The following CFAP54 variants were observed in gnomAD, a reference collection of about 807,000 sequenced individuals.
The protein encoded by CFAP54 is cilia- and flagella-associated protein 54.
In CFAP54, 290 loss-of-function variants were observed where a neutral mutation model predicts 370.4. That is an observed-to-expected ratio of 0.78 (90% CI 0.71 to 0.86). The LOEUF is 0.86. Among genes scored for constraint, CFAP54 ranks in the 40% least tolerant of loss-of-function variants. The pLI, the probability that CFAP54 is intolerant of heterozygous loss-of-function variation, is 0.00. For synonymous variants in CFAP54, 1,206 were observed against 1,236.5 expected, an observed-to-expected ratio of 0.98 and a Z score of 0.52; for missense variants, 3,399 against 3,528.7, an observed-to-expected ratio of 0.96 and a Z score of 0.93.
At chr12:96,490,592 T>C (rs1281622116) in intron 1 of CFAP54, among the ~76,000 whole-genome samples, 1 of 152,112 alleles carries the variant, frequency 6.6e-6, no homozygotes, top group African/African-American at 2.4e-5. Flanking sequence ...CTCAGGAGGC[T>C]GAGGCAGGAG....
rs376808813 is a variant in CFAP54, at chr12:96,788,189, G to A, written c.8679+1291G>A. ...AACAGTTTTGTGACTCTTTGGAGCT[G>A]GAAAGTGAAGAGGAAATGACTAGAG... On this transcript the variant is annotated intron_variant, in intron 62 of 67. Coordinates refer to ENST00000524981, the MANE Select transcript of CFAP54 (RefSeq NM_001306084.2). Among the ~76,000 whole-genome samples, 54 of 152,272 alleles carry A rather than the reference G, an allele frequency of 3.5e-4. 1 individual carries two copies. In the South Asian group the frequency reaches 0.011, roughly 30 times the overall value.
chr12:96,826,380 T>TATAC, intron 65 of CFAP54, among the ~76,000 whole-genome samples: 1 of 136,940 alleles, frequency 7.3e-6, no homozygotes, highest in African/African-American at 2.7e-5. Context: ...ATATATTCAA[T>TATAC]ATATTGTTAT....
At chr12:96,811,901 T>C in intron 64 of CFAP54, 59 bp downstream of exon 64, 3 of 1,030,672 alleles carry the variant, frequency 2.9e-6, no homozygotes, top group Non-Finnish European at 2.7e-6. Context: ...GAGAATAGAC[T>C]CTTTCAGTAA....
At chr12:96,577,837 G>C (rs1276594070) in intron 20 of CFAP54, among the ~76,000 whole-genome samples, 1 of 152,118 alleles carries the variant, frequency 6.6e-6, no homozygotes, top group Non-Finnish European at 1.5e-5. Context: ...GAGGCAGGCA[G>C]ATTACCTGAG....
intron 63 of CFAP54, among the ~76,000 whole-genome samples, chr12:96,809,048 C>G (rs1299801309): frequency 6.6e-6 from 1 of 152,156 alleles, no homozygotes; most frequent in Non-Finnish European, 1.5e-5. Context: ...TGCAATCTTG[C>G]ATTGCTGTTG....
At chr12:96,847,107 C>A (rs1359169033) in intron 66 of CFAP54, among the ~76,000 whole-genome samples, 3 of 152,114 alleles carry the variant, frequency 2.0e-5, no homozygotes. Context: ...TATGATAGAA[C>A]AGCTGACAGA....
chr12:96,724,972 G>C (rs1957811527), intron 50 of CFAP54, among the ~76,000 whole-genome samples: 1 of 152,148 alleles, frequency 6.6e-6, no homozygotes, highest in Non-Finnish European at 1.5e-5. Flanking sequence ...GTTTGTCAAA[G>C]ATCAGATAGT....
rs139245923 is a variant in CFAP54, at chr12:96,617,711, G to A, written c.3640-3879G>A. On this transcript the variant is annotated intron_variant, in intron 26 of 67. Coordinates refer to ENST00000524981, the MANE Select transcript of CFAP54 (RefSeq NM_001306084.2). ...TTCTTTAGAATATATTTATCTGCGGGCGGGGCGTGGTGGCTCACGCCTGTA... is the reference window on the plus strand; with the variant it reads ...TTCTTTAGAATATATTTATCTGCGGACGGGGCGTGGTGGCTCACGCCTGTA... Among the ~76,000 whole-genome samples the A allele has an allele frequency of 3.6e-3, 551 of 152,232 alleles. 2 individuals carry two copies. The highest frequency in any genetic ancestry group is 0.02 in the Middle Eastern group (6 of 294).
intron 63 of CFAP54, among the ~76,000 whole-genome samples, chr12:96,793,120 T>C (rs992567993): frequency 1.3e-5 from 2 of 152,150 alleles, no homozygotes; most frequent in Non-Finnish European, 1.5e-5. Flanking sequence ...AGTTCTTTAG[T>C]AGTGATTTCT....
intron 60 of CFAP54, among the ~76,000 whole-genome samples, chr12:96,773,704 T>A (rs956015350): frequency 6.6e-6 from 1 of 152,224 alleles, no homozygotes; most frequent in Non-Finnish European, 1.5e-5. Flanking sequence ...GCAGCTTTTT[T>A]ATGGCTGTAT....
rs923580611 is a variant in CFAP54, at chr12:96,693,720, A to G, written c.6265-2A>G. 2 of 1,554,396 alleles carry G rather than the reference A, an allele frequency of 1.3e-6. No individual in the cohort carries two copies. The highest frequency in any genetic ancestry group is 1.4e-5 in the African/African-American group (1 of 72,852). The stretch of plus-strand genomic sequence containing the variant: ...AAACAAAGAGTGTTTTTCTCCTGAT[A>G]GGTTCTGCCTCTCCTTGCATTGTAT... On this transcript the variant is annotated splice_acceptor_variant, in intron 44 of 67. Transcript: ENST00000524981. LOFTEE classifies it high-confidence loss of function.
intron 46 of CFAP54, 126 bp downstream of exon 46, chr12:96,700,219 G>A: frequency 9.7e-7 from 1 of 1,033,234 alleles, no homozygotes; most frequent in Non-Finnish European, 1.4e-6. Context: ...TGTTAAGCCT[G>A]GTTACAACTA....
At chr12:96,647,306 T>C (rs995030787) in intron 33 of CFAP54, among the ~76,000 whole-genome samples, 11 of 150,978 alleles carry the variant, frequency 7.3e-5, no homozygotes, top group African/African-American at 9.7e-5. Context: ...ACACTGCCTC[T>C]ACTAAAAATA....
chr12:96,574,305 A>T (rs964319252), intron 19 of CFAP54, among the ~76,000 whole-genome samples: 27 of 152,090 alleles, frequency 1.8e-4, no homozygotes, highest in Admixed American at 2.6e-4. Context: ...TGTCAGAATG[A>T]AATACATTTG....
chr12:96,532,915 C>A (rs1012969399), intron 9 of CFAP54, among the ~76,000 whole-genome samples: 2 of 152,176 alleles, frequency 1.3e-5, no homozygotes, highest in African/African-American at 4.8e-5. Context: ...GCCACTGTGA[C>A]TGGGCCTCCG....
chr12:96,582,092 T>A (rs780567288), intron 22 of CFAP54, among the ~76,000 whole-genome samples: 1 of 152,194 alleles, frequency 6.6e-6, no homozygotes, highest in African/African-American at 2.4e-5. Flanking sequence ...CATGTGATAG[T>A]GGACAAGTAA....
intron 66 of CFAP54, among the ~76,000 whole-genome samples, chr12:96,848,529 T>C (rs1463772379): frequency 2.6e-5 from 4 of 152,028 alleles, no homozygotes; most frequent in African/African-American, 9.7e-5. Context: ...AAACCCCATC[T>C]CTACTAAAAA....
At chr12:96,528,244 T>C (rs185583658) in intron 9 of CFAP54, among the ~76,000 whole-genome samples, 66 of 152,256 alleles carry the variant, frequency 4.3e-4, no homozygotes, top group African/African-American at 1.5e-3. Flanking sequence ...TTTTTTGTTG[T>C]TGTTTTTAAT....
intron 4 of CFAP54, among the ~76,000 whole-genome samples, chr12:96,509,004 C>T (rs1354649595): frequency 6.6e-6 from 1 of 152,134 alleles, no homozygotes; most frequent in South Asian, 2.1e-4. Context: ...AACTACTCTT[C>T]CTGTTTTAAT....
Sources: gnomAD v4.1 joint callset for allele counts (sites outside exome capture counted in the v4.1 genomes callset) on GRCh38, gnomAD v4.1.1 for gene constraint, MANE v1.5 for transcripts, NCBI Gene and HGNC (gene_info 2026-07-23, HGNC 2026-07-21) for gene names.